Variants in ODAD1 observed in about 807,000 individuals in gnomAD.
ODAD1 encodes outer dynein arm-docking complex subunit 1.
Under a neutral mutation model 67.2 loss-of-function variants are expected in ODAD1, and 49 were observed. The observed-to-expected ratio is 0.73, with a 90% CI of 0.58 to 0.92. ODAD1 has a LOEUF of 0.92. Among genes scored for constraint, ODAD1 ranks in the 40% least tolerant of loss-of-function variants. The pLI is 0.00. For synonymous variants in ODAD1, 345 were observed against 393.7 expected (o/e 0.88, Z 1.46); for missense variants, 897 against 953.7 (o/e 0.94, Z 0.78).
chr19:48,321,106 C>T (rs1032557937), intron 1 of ODAD1, among the ~76,000 whole-genome samples: 5 of 152,158 alleles, frequency 3.3e-5, no homozygotes, highest in Non-Finnish European at 5.9e-5. Flanking sequence ...GACATGGCGG[C>T]TCGTGCCTGT....
At chr19:48,321,485 G>A (rs564415569) in intron 1 of ODAD1, 193 bp downstream of exon 1, 3 of 238,296 alleles carry the variant, frequency 1.3e-5, no homozygotes, top group Non-Finnish European at 2.4e-5. Flanking sequence ...AGTACAGGAC[G>A]GGGCTTCGCA....
chr19:48,311,574 G>C lies in ODAD1; in HGVS notation c.576C>G (p.Asn192Lys). 1 of 1,549,794 alleles carries C rather than the reference G, an allele frequency of 6.5e-7. No individual in the cohort carries two copies. The highest frequency in any genetic ancestry group is 1.2e-5 in the South Asian group (1 of 84,022). Residue 192 changes from asparagine (N) to lysine (K), a missense_variant, in exon 7 of 16, where the codon AAC becomes AAG. Coordinates refer to ENST00000674294, the MANE Select transcript of ODAD1 (RefSeq NM_001364171.2). Reference protein sequence around the residue: ...LLRIDRNRYLNVDRKLKKEIH... With the variant: ...LLRIDRNRYLKVDRKLKKEIH... ...TGACCTTCTTCAGCTTGCGGTCCACGTTCAGATAGCGGTTCCTGTCGATCC... is the reference window on the plus strand; with the variant it reads ...TGACCTTCTTCAGCTTGCGGTCCACCTTCAGATAGCGGTTCCTGTCGATCC...
rs775978204 is a variant in ODAD1 at position 48,318,571 on chromosome 19, T to C, written c.176A>G (p.Glu59Gly). ...VHQRINKQLE[E>G]IRRLEEVRGD... ...CCGTACCTCCTCCAAGCGCCGGATC[T>C]CCTCACTACCCAGGCAGGGAGGTGG... The change falls in exon 5 of 16, where the codon GAG becomes GGG. Residue 59 changes from glutamate (E) to glycine (G), a missense_variant. Physicochemically the swap from Glu to Gly is moderately conservative, Grantham distance 98. Coordinates refer to ENST00000674294, the MANE Select transcript of ODAD1 (RefSeq NM_001364171.2). 2 of 1,550,626 alleles carry C rather than the reference T, an allele frequency of 1.3e-6. No individual in the cohort carries two copies. Among genetic ancestry groups the C allele is most frequent in the African/African-American group, 1.4e-5 (1 of 73,072 alleles).
At position 48,296,817 on chromosome 19, in the gene ODAD1, G is replaced by T; in HGVS notation, c.*159C>A. ...GGAACCGGGAGACACAGGTGAGGCG[G>T]TGATGAAGGGCAGATGAAAACAGTT... On this transcript the variant is annotated 3_prime_UTR_variant, in exon 16 of 16. Transcript: ENST00000674294. 1 of 1,428,928 alleles carries T rather than the reference G, an allele frequency of 7.0e-7. No homozygotes were observed. Among genetic ancestry groups the T allele is most frequent in the Admixed American group, 2.9e-5 (1 of 33,932 alleles). The allele number at this position is 1,428,928 out of a possible 1,614,324, so 88.5% of individuals were successfully genotyped here.
At chr19:48,299,473 G>C (rs1406660022) in intron 12 of ODAD1, among the ~76,000 whole-genome samples, 1 of 152,048 alleles carries the variant, frequency 6.6e-6, no homozygotes, top group Non-Finnish European at 1.5e-5. Flanking sequence ...AGGACAGCCT[G>C]ACTCCTGAGT....
chr19:48,297,254 C>G lies in ODAD1; in HGVS notation c.1846G>C (p.Gly616Arg). 6.2e-7 allele frequency: 1 copy of G among 1,614,022 alleles called. No homozygotes were observed. Among genetic ancestry groups the G allele is most frequent in the Non-Finnish European group, 8.5e-7 (1 of 1,179,998 alleles). The change falls in exon 16 of 16, where the codon GGT (glycine) becomes CGT (arginine). Residue 616 changes from glycine to arginine, a missense_variant. By Grantham distance (125) the Gly-to-Arg change is moderately radical. Transcript: ENST00000674294. ...TGHLPSHITH[G>R]DPNTGHVTFG... ...GTCACGTGGCCAGTGTTGGGGTCAC[C>G]GTGCGTGATGTGGCTGGGCAAATGC... is the stretch of plus-strand genomic sequence containing the variant.
rs1968763977 is a variant in ODAD1 at position 48,311,570 on chromosome 19, C to T, written c.580G>A (p.Asp194Asn). ...RIDRNRYLNV[D>N]RKLKKEIHHL... Reference sequence around the variant, plus strand: ...CCACTGACCTTCTTCAGCTTGCGGTCCACGTTCAGATAGCGGTTCCTGTCG... The same window carrying T: ...CCACTGACCTTCTTCAGCTTGCGGTTCACGTTCAGATAGCGGTTCCTGTCG... The change falls in exon 7 of 16, where the codon GAC (aspartate) becomes AAC (asparagine). Residue 194 changes from aspartate (D) to asparagine (N), a missense_variant. Coordinates refer to ENST00000674294, the MANE Select transcript of ODAD1 (RefSeq NM_001364171.2). 3.9e-6 allele frequency: 6 copies of T among 1,549,470 alleles called. No homozygotes were observed. Among genetic ancestry groups the T allele is most frequent in the Non-Finnish European group, 5.2e-6 (6 of 1,145,278 alleles).
chr19:48,307,801 T>G (rs1600865560), intron 7 of ODAD1, among the ~76,000 whole-genome samples: 2 of 137,726 alleles, frequency 1.5e-5, no homozygotes, highest in African/African-American at 2.8e-5. Context: ...TTAGCCTGGG[T>G]GACAAAGCGA....
chr19:48,297,937 T>C lies in ODAD1; in HGVS notation c.1502+63A>G, dbSNP rs983463170. ...AAGCCCCCCAAAACTCTCTATCCTGTGTGTTCCCTCTGCCCCCATGGAAGC... is the reference window on the plus strand; with the variant it reads ...AAGCCCCCCAAAACTCTCTATCCTGCGTGTTCCCTCTGCCCCCATGGAAGC... On this transcript the variant is annotated intron_variant, in intron 14 of 15. Transcript: ENST00000674294. 4 of 1,320,290 alleles carry C rather than the reference T, an allele frequency of 3.0e-6. No individual in the cohort carries two copies. In the African/African-American group the frequency reaches 4.4e-5, roughly 15 times the overall value. 81.8% of individuals were successfully genotyped at this position (1,320,290 alleles called of 1,614,324 possible).
intron 12 of ODAD1, among the ~76,000 whole-genome samples, chr19:48,302,469 G>A (rs1396918583): frequency 6.6e-6 from 1 of 151,912 alleles, no homozygotes; most frequent in Non-Finnish European, 1.5e-5. Flanking sequence ...TTGATAGATG[G>A]ATGGATGGAT....
chr19:48,321,268 ATGGGC>A (rs1369656818), intron 1 of ODAD1, among the ~76,000 whole-genome samples: 2 of 152,092 alleles, frequency 1.3e-5, no homozygotes, highest in Non-Finnish European at 1.5e-5. Flanking sequence ...AACAAAACTG[ATGGGC>A]GGCGAGGTCC....
intron 15 of ODAD1, 35 bp from the exon 16 acceptor site, chr19:48,297,553 T>TGA: frequency 6.3e-7 from 1 of 1,596,664 alleles, no homozygotes; most frequent in East Asian, 2.3e-5. Context: ...CGACACACAC[T>TGA]GAGGCCTGGC....
chr19:48,311,746 C>T (rs1169141241), intron 6 of ODAD1, 80 bp from the exon 7 acceptor site: 3 of 933,096 alleles, frequency 3.2e-6, no homozygotes, highest in Non-Finnish European at 5.1e-6. Context: ...AAGGAGGAGA[C>T]ACTTATCAGA....
Position 48,302,653 on chromosome 19 carries a change from G to A in ODAD1, c.1240+41C>T, listed in dbSNP as rs745749415. On this transcript the variant is annotated intron_variant, in intron 12 of 15. Coordinates refer to ENST00000674294, the MANE Select transcript of ODAD1 (RefSeq NM_001364171.2). ...GCGGGCTGATGGTGTCCTTCCAAGTGGAGAAGCCAGGCTCGGGAGGGGGCG... is the reference window on the plus strand; with the variant it reads ...GCGGGCTGATGGTGTCCTTCCAAGTAGAGAAGCCAGGCTCGGGAGGGGGCG... 5 of 1,558,732 alleles carry A rather than the reference G, an allele frequency of 3.2e-6. No homozygotes were observed. The Admixed American group carries it at 6.9e-5, about 22-fold the overall frequency.
chr19:48,301,536 G>A (rs1379645284), intron 12 of ODAD1, among the ~76,000 whole-genome samples: 2 of 152,110 alleles, frequency 1.3e-5, no homozygotes, highest in Non-Finnish European at 2.9e-5. Context: ...AACATTTTTG[G>A]TAACTAAGAC....
At chr19:48,298,598 A>T (rs1277380947) in intron 12 of ODAD1, among the ~76,000 whole-genome samples, 1 of 152,146 alleles carries the variant, frequency 6.6e-6, no homozygotes, top group African/African-American at 2.4e-5. Flanking sequence ...CAGCAGAGCC[A>T]GCCTCATGAG....
intron 5 of ODAD1, among the ~76,000 whole-genome samples, chr19:48,313,448 C>CAAAAAAAAAAAAAAAAAAAAAAAA (rs1291428185): frequency 1.2e-5 from 1 of 86,926 alleles, no homozygotes; most frequent in African/African-American, 5.1e-5. Flanking sequence ...AAAAAAAAAC[C>CAAAAAAAAAAAAAAAAAAAAAAAA]AAAAAAAAAC....
At chr19:48,300,184 T>C (rs2147311873) in intron 12 of ODAD1, among the ~76,000 whole-genome samples, 1 of 152,124 alleles carries the variant, frequency 6.6e-6, no homozygotes, top group African/African-American at 2.4e-5. Context: ...CGGGCACCTG[T>C]AATCCCAGCA....
At chr19:48,311,957 A>C in intron 6 of ODAD1, 37 bp downstream of exon 6, 1 of 1,545,382 alleles carries the variant, frequency 6.5e-7, no homozygotes, top group African/African-American at 1.4e-5. Context: ...CCATAACCGC[A>C]CAATTCAGGT....
Sources: gnomAD v4.1 joint callset for allele counts (sites outside exome capture counted in the v4.1 genomes callset) on GRCh38, gnomAD v4.1.1 for gene constraint, MANE v1.5 for transcripts, NCBI Gene and HGNC (gene_info 2026-07-23, HGNC 2026-07-21) for gene names.